Variants in SGCZ observed in about 807,000 individuals in gnomAD.
SGCZ encodes the protein zeta-sarcoglycan.
Under a neutral mutation model 41.3 loss-of-function variants are expected in SGCZ, and 40 were observed. The ratio of observed to expected loss-of-function variants is 0.97; its 90% CI spans 0.75 to 1.26. The LOEUF is 1.26. Among genes scored for constraint, SGCZ ranks in the 50% most tolerant of loss-of-function variants. The pLI is 0.00. For missense variants in SGCZ, 552 were observed against 369.8 expected, an observed-to-expected ratio of 1.49 and a Z score of -4.04; for synonymous variants, 206 against 137.5, an observed-to-expected ratio of 1.50 and a Z score of -3.49.
intron 1 of SGCZ, among the ~76,000 whole-genome samples, chr8:14,822,674 C>A (rs1016027940): frequency 6.6e-6 from 1 of 151,904 alleles, no homozygotes; most frequent in Admixed American, 6.6e-5. Context: ...ACAAATTTAC[C>A]CACTTACAGC....
chr8:14,268,391 T>C (rs959046291), intron 3 of SGCZ, among the ~76,000 whole-genome samples: 3 of 151,152 alleles, frequency 2.0e-5, no homozygotes, highest in Non-Finnish European at 3.0e-5. Context: ...GTCTTTAACA[T>C]TGCTTCATAC....
rs575256377 is a variant in SGCZ at position 14,625,189 on chromosome 8, T to A, written c.40-70263A>T. ...AGTGTTCCATAACTTAAAGATAAGT[T>A]ATTCTTATTTTAGTAGCATTACAAC... On this transcript the variant is annotated intron_variant, in intron 1 of 7. Coordinates refer to ENST00000382080, the MANE Select transcript of SGCZ (RefSeq NM_139167.4). Among the ~76,000 whole-genome samples, 9 of 152,294 alleles carry A rather than the reference T, an allele frequency of 5.9e-5. 1 individual carries two copies. In the South Asian group the frequency reaches 1.9e-3, roughly 32 times the overall value.
intron 4 of SGCZ, among the ~76,000 whole-genome samples, chr8:14,192,431 C>G (rs1805134301): frequency 6.6e-6 from 1 of 151,714 alleles, no homozygotes; most frequent in Admixed American, 6.6e-5. Flanking sequence ...CTAGTGTTTT[C>G]TCATGTATAA....
At chr8:14,282,847 C>CTTTTTTTTTTTTT (rs1168778028) in intron 3 of SGCZ, among the ~76,000 whole-genome samples, 6 of 89,912 alleles carry the variant, frequency 6.7e-5, no homozygotes, top group African/African-American at 9.1e-5. Flanking sequence ...CTTTCAAATA[C>CTTTTTTTTTTTTT]TTTTTTTTTT....
intron 1 of SGCZ, among the ~76,000 whole-genome samples, chr8:14,758,224 C>T (rs140056999): frequency 6.6e-6 from 1 of 152,144 alleles, no homozygotes; most frequent in Non-Finnish European, 1.5e-5. Flanking sequence ...CCAGTGTTGT[C>T]GAATTCACAT....
chr8:14,572,690 T>A (rs964480120), intron 1 of SGCZ, among the ~76,000 whole-genome samples: 2 of 152,148 alleles, frequency 1.3e-5, no homozygotes, highest in Admixed American at 6.5e-5. Context: ...TTTATACAGA[T>A]CATTTCCTTC....
At chr8:14,385,920 T>C (rs1462370902) in intron 2 of SGCZ, among the ~76,000 whole-genome samples, 3 of 152,210 alleles carry the variant, frequency 2.0e-5, no homozygotes, top group Non-Finnish European at 4.4e-5. Flanking sequence ...GCAAATAACC[T>C]ACACATATCC....
intron 2 of SGCZ, among the ~76,000 whole-genome samples, chr8:14,331,258 C>T (rs1312289068): frequency 6.6e-6 from 1 of 151,892 alleles, no homozygotes; most frequent in Non-Finnish European, 1.5e-5. Context: ...ATTTAAACTT[C>T]ATTTTGCTAT....
At chr8:14,226,586 G>C (rs148166241) in intron 4 of SGCZ, among the ~76,000 whole-genome samples, 92 of 152,190 alleles carry the variant, frequency 6.0e-4, no homozygotes, top group African/African-American at 2.0e-3. Flanking sequence ...ATAGCACAGT[G>C]CATTCATCCA....
intron 1 of SGCZ, among the ~76,000 whole-genome samples, chr8:15,083,192 A>G (rs949726044): frequency 1.3e-5 from 2 of 152,214 alleles, no homozygotes; most frequent in Non-Finnish European, 2.9e-5. Context: ...CCTACAGATT[A>G]TAAACATTCA....
intron 2 of SGCZ, among the ~76,000 whole-genome samples, chr8:14,466,069 T>A (rs1006661060): frequency 2.6e-5 from 4 of 151,990 alleles, no homozygotes; most frequent in African/African-American, 9.7e-5. Flanking sequence ...TATCTCTTCA[T>A]ACGGCTTTAA....
intron 5 of SGCZ, among the ~76,000 whole-genome samples, chr8:14,137,448 T>C (rs1803234455): frequency 6.6e-6 from 1 of 152,094 alleles, no homozygotes; most frequent in African/African-American, 2.4e-5. Context: ...GTTAGATGAA[T>C]GGCTAACTAG....
At chr8:14,781,191 C>CA (rs1368445138) in intron 1 of SGCZ, among the ~76,000 whole-genome samples, 3 of 152,108 alleles carry the variant, frequency 2.0e-5, no homozygotes, top group Admixed American at 6.5e-5. Context: ...CAAAGAAATT[C>CA]AAAACACAAA....
intron 2 of SGCZ, among the ~76,000 whole-genome samples, chr8:14,443,140 A>G: frequency 7.1e-6 from 1 of 140,170 alleles, no homozygotes; most frequent in Non-Finnish European, 1.5e-5. Context: ...ACCACAAACC[A>G]CTGCTCAAGG....
chr8:14,329,247 T>C (rs570602115), intron 2 of SGCZ, among the ~76,000 whole-genome samples: 143 of 152,306 alleles, frequency 9.4e-4, no homozygotes, highest in African/African-American at 3.3e-3. Flanking sequence ...CTTTGACATG[T>C]TGTCTATCTA....
intron 3 of SGCZ, among the ~76,000 whole-genome samples, chr8:14,269,367 G>A (rs1285919453): frequency 6.6e-6 from 1 of 152,016 alleles, no homozygotes; most frequent in Non-Finnish European, 1.5e-5. Context: ...TGTAATCACT[G>A]TGTAGATCTC....
intron 4 of SGCZ, among the ~76,000 whole-genome samples, chr8:14,209,832 ACCTGT>A: frequency 1.7e-4 from 2 of 11,566 alleles, no homozygotes; most frequent in South Asian, 7.2e-3. Context: ...TAAAAATATA[ACCTGT>A]ATGATTAAGT....
At chr8:14,613,198 C>T (rs536431902) in intron 1 of SGCZ, among the ~76,000 whole-genome samples, 1 of 152,072 alleles carries the variant, frequency 6.6e-6, no homozygotes, top group African/African-American at 2.4e-5. Flanking sequence ...TGAGAGGTCA[C>T]AACATAATTT....
At chr8:14,120,910 A>G (rs1004720818) in intron 5 of SGCZ, among the ~76,000 whole-genome samples, 2 of 152,140 alleles carry the variant, frequency 1.3e-5, no homozygotes, top group African/African-American at 2.4e-5. Flanking sequence ...TGATAGTTTC[A>G]TGGAACTGGA....
Sources: gnomAD v4.1 joint callset for allele counts (sites outside exome capture counted in the v4.1 genomes callset) on GRCh38, gnomAD v4.1.1 for gene constraint, MANE v1.5 for transcripts, NCBI Gene and HGNC (gene_info 2026-07-23, HGNC 2026-07-21) for gene names.